WASF1: variants seen among roughly 807,000 people sequenced by gnomAD.
The protein encoded by WASF1 is actin-binding protein WASF1.
In WASF1, 7 loss-of-function variants were observed where a neutral mutation model predicts 50.5. That is an observed-to-expected ratio of 0.14 (90% confidence interval 0.08 to 0.26). The LOEUF is 0.26. Ranked by LOEUF, WASF1 falls within the 10% of genes least tolerant of loss-of-function variation. The pLI, the probability that WASF1 is intolerant of heterozygous loss-of-function variation, is 1.00. For missense variants in WASF1, 470 were observed against 694.7 expected, an observed-to-expected ratio of 0.68 and a Z score of 3.64; for synonymous variants, 205 against 244.0, an observed-to-expected ratio of 0.84 and a Z score of 1.49.
chr6:110,120,253 CTT>C (rs889910199), intron 4 of WASF1, among the ~76,000 whole-genome samples: 7 of 152,158 alleles, frequency 4.6e-5, no homozygotes, highest in South Asian at 4.1e-4. Context: ...CAAATTGTCT[CTT>C]GTTTTCAGAT....
At position 110,101,881 on chromosome 6, in the gene WASF1, A is replaced by C; in HGVS notation, c.1229T>G (p.Val410Gly). ...VARAAPVCET[V>G]PVHPLPQGEV... is the part of the protein sequence containing the mutation. The stretch of plus-strand genomic sequence containing the variant: ...ACCTTGTGGGAGTGGATGAACTGGT[A>C]CAGTCTCACATACTGGGGCAGCTCT... Residue 410 changes from valine (V) to glycine (G), a missense_variant, in exon 10 of 11, where the codon GTA becomes GGA. Physicochemically the swap from Val to Gly is moderately radical, Grantham distance 109. Transcript: ENST00000392589. 1 of 1,613,748 alleles carries C rather than the reference A, an allele frequency of 6.2e-7. No individual in the cohort carries two copies. The highest frequency in any genetic ancestry group is 8.5e-7 in the Non-Finnish European group (1 of 1,179,878).
chr6:110,123,109 AAAT>A (rs368289161), intron 4 of WASF1, among the ~76,000 whole-genome samples: 22 of 152,316 alleles, frequency 1.4e-4, no homozygotes, highest in African/African-American at 4.8e-4. Context: ...AGGTATATGC[AAAT>A]AATATGCCTG....
At chr6:110,139,604 C>A (rs1195377583) in intron 3 of WASF1, among the ~76,000 whole-genome samples, 3 of 152,156 alleles carry the variant, frequency 2.0e-5, no homozygotes, top group Non-Finnish European at 4.4e-5. Context: ...GGTTGACAGA[C>A]TAGACTTTCT....
chr6:110,135,509 G>T lies in WASF1; in HGVS notation c.-28-7880C>A, dbSNP rs190481598. Among the ~76,000 whole-genome samples the T allele has an allele frequency of 3.5e-4, 53 of 152,022 alleles. 1 individual carries two copies. The highest frequency in any genetic ancestry group is 3.1e-3 in the Admixed American group (47 of 15,262). On this transcript the variant is annotated intron_variant, in intron 3 of 10. Transcript: ENST00000392589. ...TGTGGTGAATTATATTGACTGTGGG[G>T]TTTTTTTGTTGGTAAACAACCCTGC...
At chr6:110,112,916 A>C (rs961427044) in intron 5 of WASF1, among the ~76,000 whole-genome samples, 8 of 151,422 alleles carry the variant, frequency 5.3e-5, no homozygotes, top group Non-Finnish European at 8.8e-5. Flanking sequence ...AAAACAAAAA[A>C]AAAACCAGTT....
chr6:110,113,123 A>G (rs1050349471), intron 5 of WASF1, among the ~76,000 whole-genome samples: 5 of 152,112 alleles, frequency 3.3e-5, no homozygotes, highest in Non-Finnish European at 7.4e-5. Context: ...AAAAGAAGAG[A>G]TTTAAAACAG....
intron 4 of WASF1, among the ~76,000 whole-genome samples, chr6:110,124,302 A>C (rs1774324720): frequency 1.8e-5 from 2 of 111,576 alleles, no homozygotes; most frequent in Non-Finnish European, 3.4e-5. Flanking sequence ...ATATATATAT[A>C]TATATATGCC....
chr6:110,170,684 C>A (rs1776672196), intron 2 of WASF1, among the ~76,000 whole-genome samples: 1 of 151,166 alleles, frequency 6.6e-6, no homozygotes, highest in African/African-American at 2.4e-5. Flanking sequence ...AAAAAAAGAC[C>A]TAACTATATA....
rs933548722 is a variant in WASF1 at position 110,143,105 on chromosome 6, A to T, written c.-28-15476T>A. 1.6e-4 allele frequency among the ~76,000 whole-genome samples: 25 copies of T among 152,102 alleles called. No individual in the cohort carries two copies. In the South Asian group the frequency reaches 5.2e-3, roughly 32 times the overall value. Reference sequence around the variant, plus strand: ...AGAATATATCCCCTAAAAAGATTTTAAAATAATTTTTAAGAATAACTTAGC... The same window carrying T: ...AGAATATATCCCCTAAAAAGATTTTTAAATAATTTTTAAGAATAACTTAGC... On this transcript the variant is annotated intron_variant, in intron 3 of 10. Transcript: ENST00000392589.
chr6:110,141,509 C>G (rs1178046467), intron 3 of WASF1, among the ~76,000 whole-genome samples: 1 of 152,124 alleles, frequency 6.6e-6, no homozygotes, highest in Non-Finnish European at 1.5e-5. Context: ...CATGGATCCA[C>G]AAATGCATCT....
chr6:110,128,898 G>T (rs1321793702), intron 3 of WASF1, among the ~76,000 whole-genome samples: 1 of 152,164 alleles, frequency 6.6e-6, no homozygotes, highest in Admixed American at 6.5e-5. Context: ...CACGTGAGGG[G>T]TCTAGGTTGC....
At chr6:110,117,165 G>A (rs1200284410) in intron 4 of WASF1, among the ~76,000 whole-genome samples, 1 of 152,128 alleles carries the variant, frequency 6.6e-6, no homozygotes, top group East Asian at 1.9e-4. Context: ...AAATGAGTTT[G>A]ATGAGTTGAT....
intron 4 of WASF1, among the ~76,000 whole-genome samples, chr6:110,117,358 G>C (rs546471970): frequency 4.4e-4 from 67 of 152,180 alleles, no homozygotes; most frequent in Non-Finnish European, 9.7e-4. Flanking sequence ...AAAACTTTGT[G>C]ACGCATGCAC....
rs576049476 is a variant in WASF1, at chr6:110,169,296, T to C, written c.-126-8564A>G. Among the ~76,000 whole-genome samples, 46 of 152,170 alleles carry C rather than the reference T, an allele frequency of 3.0e-4. No homozygotes were observed. The Middle Eastern group carries it at 0.017, about 56-fold the overall frequency. On this transcript the variant is annotated intron_variant, in intron 2 of 10. Transcript: ENST00000392589. Reference sequence around the variant, plus strand: ...CACAGGGACATCTCACTAACTCAAATTCAAAATATCCAAAATCAAATTCAT... The same window carrying C: ...CACAGGGACATCTCACTAACTCAAACTCAAAATATCCAAAATCAAATTCAT...
chr6:110,149,484 T>TAAAA (rs71729607), intron 3 of WASF1, among the ~76,000 whole-genome samples: 1 of 103,278 alleles, frequency 9.7e-6, no homozygotes, highest in Non-Finnish European at 2.1e-5. Context: ...GACTCTGTCT[T>TAAAA]AAAAAAAAAA....
chr6:110,125,571 GTTTA>G (rs1774382944), intron 4 of WASF1, among the ~76,000 whole-genome samples: 1 of 152,174 alleles, frequency 6.6e-6, no homozygotes, highest in African/African-American at 2.4e-5. Context: ...TAGTGCATGA[GTTTA>G]TTTATTCTGG....
rs367878510 is a variant in WASF1, at chr6:110,125,268, A to G, written c.133+2201T>C. Among the ~76,000 whole-genome samples, 8 of 152,340 alleles carry G rather than the reference A, an allele frequency of 5.3e-5. No homozygotes were observed. The East Asian group carries it at 5.8e-4, about 11-fold the overall frequency. ...AATTATGAAAATCAAATATTATCCT[A>G]GGCCAGAAAACAGCCTTGAAATGTA... On this transcript the variant is annotated intron_variant, in intron 4 of 10. Transcript: ENST00000392589.
intron 5 of WASF1, among the ~76,000 whole-genome samples, chr6:110,110,101 C>A (rs1012281292): frequency 6.6e-6 from 1 of 152,120 alleles, no homozygotes; most frequent in Admixed American, 6.5e-5. Flanking sequence ...AAAAGTGGCA[C>A]TGGAGATACA....
At chr6:110,149,173 C>T (rs1300526679) in intron 3 of WASF1, among the ~76,000 whole-genome samples, 1 of 152,148 alleles carries the variant, frequency 6.6e-6, no homozygotes, top group African/African-American at 2.4e-5. Flanking sequence ...ATTGAGAAAG[C>T]AAGAGAACAT....
Sources: gnomAD v4.1 joint callset for allele counts (sites outside exome capture counted in the v4.1 genomes callset) on GRCh38, gnomAD v4.1.1 for gene constraint, MANE v1.5 for transcripts, NCBI Gene and HGNC (gene_info 2026-07-23, HGNC 2026-07-21) for gene names.